The following ZNF420 variants were observed in gnomAD, a reference collection of about 807,000 sequenced individuals.
The protein encoded by ZNF420 is ATM and p53-associated KZNF protein.
In ZNF420, 31 loss-of-function variants were observed where a neutral mutation model predicts 44.7. The observed-to-expected ratio is 0.69, with a 90% CI of 0.52 to 0.94. ZNF420 has a LOEUF of 0.94. ZNF420 is among the 40% of genes least tolerant of loss of function. ZNF420 has a pLI of 0.00. For synonymous variants in ZNF420, 245 were observed against 267.4 expected (o/e 0.92, Z 0.82); for missense variants, 681 against 827.9 (o/e 0.82, Z 2.18).
intron 1 of ZNF420, among the ~76,000 whole-genome samples, chr19:37,036,992 C>G (rs886509947): frequency 1.3e-5 from 2 of 152,192 alleles, no homozygotes; most frequent in Admixed American, 6.5e-5. Context: ...CAATCCTCAG[C>G]CCCAGGCCAA....
rs1305283409 is a variant in ZNF420, at chr19:37,128,285, T to C, written c.1294T>C (p.Ser432Pro). The change falls in exon 5 of 5, where the codon TCA (serine) becomes CCA (proline). Residue 432 changes from serine to proline, a missense_variant. Physicochemically the swap from Ser to Pro is moderately conservative, Grantham distance 74. Coordinates refer to ENST00000337995, the MANE Select transcript of ZNF420 (RefSeq NM_144689.5). ...KECGKAFNRG[S>P]LLTRHQRIHT... ...ATGTGGAAAAGCGTTTAATCGTGGC[T>C]CACTCCTTACACGACACCAGAGGAT... The C allele has an allele frequency of 1.2e-6, 2 of 1,613,852 alleles. No homozygotes were observed. Among genetic ancestry groups the C allele is most frequent in the Non-Finnish European group, 1.7e-6 (2 of 1,179,972 alleles).
intron 1 of ZNF420, among the ~76,000 whole-genome samples, chr19:37,042,199 A>G (rs1599611794): frequency 6.6e-6 from 1 of 152,170 alleles, no homozygotes; most frequent in Admixed American, 6.5e-5. Flanking sequence ...GGGTTTCACC[A>G]TCTTGGCCAG....
At chr19:37,100,574 G>A (rs533853154) in intron 4 of ZNF420, among the ~76,000 whole-genome samples, 2 of 152,240 alleles carry the variant, frequency 1.3e-5, no homozygotes, top group South Asian at 2.1e-4. Flanking sequence ...ATTGCTGGGT[G>A]TGGTGGCAGG....
chr19:37,103,896 C>A (rs1299173712), intron 4 of ZNF420, among the ~76,000 whole-genome samples: 1 of 151,962 alleles, frequency 6.6e-6, no homozygotes, highest in East Asian at 1.9e-4. Context: ...GATATAGCTC[C>A]ATTTCTTTGC....
At chr19:37,031,808 T>C (rs767982002) in intron 1 of ZNF420, among the ~76,000 whole-genome samples, 3 of 152,218 alleles carry the variant, frequency 2.0e-5, no homozygotes, top group Non-Finnish European at 4.4e-5. Context: ...GGTTTTTCTC[T>C]TACATAATTG....
intron 1 of ZNF420, among the ~76,000 whole-genome samples, chr19:37,079,268 A>C (rs1968294491): frequency 1.3e-5 from 2 of 152,102 alleles, no homozygotes; most frequent in Admixed American, 1.3e-4. Flanking sequence ...TGGAAATGTG[A>C]TTATGTGTGA....
intron 1 of ZNF420, among the ~76,000 whole-genome samples, chr19:37,047,185 T>C (rs1334742331): frequency 6.6e-6 from 1 of 152,230 alleles, no homozygotes; most frequent in African/African-American, 2.4e-5. Flanking sequence ...AGAAATTGAA[T>C]ATAGGGTGCT....
intron 2 of ZNF420, among the ~76,000 whole-genome samples, chr19:37,085,267 TAA>T (rs1192848361): frequency 6.6e-6 from 1 of 152,254 alleles, no homozygotes; most frequent in African/African-American, 2.4e-5. Context: ...GTTTGTAATT[TAA>T]TAATATGTGG....
chr19:37,023,420 C>T (rs1000592814), intron 1 of ZNF420, among the ~76,000 whole-genome samples: 1 of 151,936 alleles, frequency 6.6e-6, no homozygotes, highest in East Asian at 1.9e-4. Flanking sequence ...TGCTGGAGTG[C>T]AGTGGCGCAA....
chr19:37,110,602 A>G (rs1188237468), intron 4 of ZNF420, among the ~76,000 whole-genome samples: 3 of 152,150 alleles, frequency 2.0e-5, no homozygotes, highest in Non-Finnish European at 4.4e-5. Flanking sequence ...TCCATGCTAT[A>G]TTTGATTAGA....
chr19:37,085,337 T>C (rs1301731579), intron 2 of ZNF420, among the ~76,000 whole-genome samples: 2 of 152,228 alleles, frequency 1.3e-5, no homozygotes, highest in Non-Finnish European at 2.9e-5. Context: ...TACTGTTACT[T>C]GTTTTATGAC....
At chr19:37,087,996 C>A (rs1315786274) in intron 2 of ZNF420, among the ~76,000 whole-genome samples, 1 of 152,106 alleles carries the variant, frequency 6.6e-6, no homozygotes, top group East Asian at 1.9e-4. Context: ...AGAGATTACC[C>A]AACTTTTTCT....
At chr19:37,016,397 T>G (rs2074609190) in intron 1 of ZNF420, among the ~76,000 whole-genome samples, 1 of 152,172 alleles carries the variant, frequency 6.6e-6, no homozygotes, top group African/African-American at 2.4e-5. Flanking sequence ...TTGGGGTGTT[T>G]TGCACTTTGC....
intron 1 of ZNF420, among the ~76,000 whole-genome samples, chr19:37,056,174 A>G (rs1046821116): frequency 2.0e-5 from 3 of 151,684 alleles, no homozygotes; most frequent in African/African-American, 7.3e-5. Context: ...AGGCTGTGTC[A>G]GGGCTACCTA....
At chr19:37,113,366 C>T (rs184322474) in intron 4 of ZNF420, among the ~76,000 whole-genome samples, 4 of 152,260 alleles carry the variant, frequency 2.6e-5, no homozygotes, top group Admixed American at 6.5e-5. Context: ...AAGCAAGTCC[C>T]GTTATTGCTT....
intron 1 of ZNF420, among the ~76,000 whole-genome samples, chr19:37,012,608 C>T (rs559869311): frequency 2.8e-4 from 43 of 152,330 alleles, no homozygotes; most frequent in African/African-American, 9.4e-4. Context: ...TCGAGTGAGT[C>T]TCCCAGAAAG....
chr19:37,025,106 T>C (rs1244950515), intron 1 of ZNF420: 3 of 300,086 alleles, frequency 1.0e-5, no homozygotes, highest in East Asian at 6.2e-5. Context: ...CCATACACAC[T>C]AAAGGCCTTG....
intron 1 of ZNF420, among the ~76,000 whole-genome samples, chr19:37,061,887 C>T (rs549014265): frequency 2.8e-4 from 43 of 152,256 alleles, no homozygotes; most frequent in African/African-American, 9.9e-4. Flanking sequence ...AGAAATGAGG[C>T]AAACGTTAAT....
At chr19:37,065,749 A>G (rs1967957827) in intron 1 of ZNF420, among the ~76,000 whole-genome samples, 1 of 152,270 alleles carries the variant, frequency 6.6e-6, no homozygotes, top group African/African-American at 2.4e-5. Flanking sequence ...TGTTGTTTTA[A>G]GTCACTAAAT....
Sources: gnomAD v4.1 joint callset for allele counts (sites outside exome capture counted in the v4.1 genomes callset) on GRCh38, gnomAD v4.1.1 for gene constraint, MANE v1.5 for transcripts, NCBI Gene and HGNC (gene_info 2026-07-23, HGNC 2026-07-21) for gene names.